Variants in LMBR1L observed in about 807,000 individuals in gnomAD.
LMBR1L encodes the protein protein LMBR1L.
A neutral mutation model predicts 67.3 loss-of-function variants in LMBR1L; 47 were observed. The observed-to-expected ratio is 0.70, with a 90% CI of 0.55 to 0.89. LMBR1L has a LOEUF of 0.89. LMBR1L is among the 40% of genes least tolerant of loss of function. The pLI, the probability that LMBR1L is intolerant of heterozygous loss-of-function variation, is 0.00. For synonymous variants in LMBR1L, 247 were observed against 250.3 expected, an observed-to-expected ratio of 0.99 and a Z score of 0.13; for missense variants, 533 against 599.2, an observed-to-expected ratio of 0.89 and a Z score of 1.15.
intron 1 of LMBR1L, 185 bp downstream of exon 1, chr12:49,110,299 G>A (rs1941401668): frequency 4.8e-6 from 3 of 626,248 alleles, no homozygotes; most frequent in Admixed American, 2.6e-5. Context: ...ATCGCTCAGG[G>A]ACCCAGCTGA....
At chr12:49,106,919 T>C (rs774222947) in intron 2 of LMBR1L, 42 bp downstream of exon 2, 3 of 1,468,300 alleles carry the variant, frequency 2.0e-6, no homozygotes, top group Non-Finnish European at 2.9e-6. Context: ...GGCTGGTCCA[T>C]GGCAACAGGG....
At chr12:49,101,906 G>T in intron 11 of LMBR1L, 1 of 593,978 alleles carries the variant, frequency 1.7e-6, no homozygotes, top group Non-Finnish European at 3.0e-6. Flanking sequence ...CTGTGTCTTT[G>T]GGCAAGTCAC....
At position 49,097,489 on chromosome 12, in the gene LMBR1L, AG is replaced by A. The variant is rs1939536331; in HGVS notation, c.*182del. On this transcript the variant is annotated 3_prime_UTR_variant, in exon 17 of 17. Coordinates refer to ENST00000267102, the MANE Select transcript of LMBR1L (RefSeq NM_018113.4). ...CTGAGGCCACAGTTAAGTATGGAAA[AG>A]CAGGAGGTCCTGGTCCCAAACTCTG... 2.7e-5 allele frequency: 17 copies of A among 624,124 alleles called. No homozygotes were observed. The South Asian group carries it at 3.2e-4, about 12-fold the overall frequency. The allele number at this position is 624,124 out of a possible 1,614,324, so 38.7% of individuals were successfully genotyped here.
In LMBR1L at chr12:49,097,264, G is replaced by C. The variant is rs1399747251; in HGVS notation, c.*408C>G. 1.5e-5 allele frequency: 3 copies of C among 203,494 alleles called. No individual in the cohort carries two copies. The East Asian group carries it at 3.3e-4, about 22-fold the overall frequency. 12.6% of individuals were successfully genotyped at this position (203,494 alleles called of 1,614,324 possible). On this transcript the variant is annotated 3_prime_UTR_variant, in exon 17 of 17. Coordinates refer to ENST00000267102, the MANE Select transcript of LMBR1L (RefSeq NM_018113.4). Reference sequence around the variant, plus strand: ...CAGGATAGCACAGTGCTTAGGCTCTGCTGGGCCAGAGGCAAGGGAGACAAT... The same window carrying C: ...CAGGATAGCACAGTGCTTAGGCTCTCCTGGGCCAGAGGCAAGGGAGACAAT...
At chr12:49,103,046 G>A (rs1233312213) in intron 7 of LMBR1L, 45 bp downstream of exon 7, 1 of 1,608,658 alleles carries the variant, frequency 6.2e-7, no homozygotes, top group Non-Finnish European at 8.5e-7. Context: ...TGGTTACTCT[G>A]GTCCAAGGAC....
At chr12:49,108,220 G>A (rs752959182) in intron 1 of LMBR1L, among the ~76,000 whole-genome samples, 13 of 151,956 alleles carry the variant, frequency 8.6e-5, no homozygotes, top group South Asian at 2.1e-4. Context: ...CTGTGATGGC[G>A]CCACTGCACT....
rs1004931055 is a variant in LMBR1L at position 49,100,804 on chromosome 12, T to G, written c.1083-158A>C. 21 of 639,822 alleles carry G rather than the reference T, an allele frequency of 3.3e-5. No individual in the cohort carries two copies. In the African/African-American group the frequency reaches 3.3e-4, roughly 10 times the overall value. The allele number at this position is 639,822 out of a possible 1,614,324, so 39.6% of individuals were successfully genotyped here. A position where few individuals can be genotyped will look rare whatever the true frequency, so the allele number is the denominator to read the frequency against. On this transcript the variant is annotated intron_variant, in intron 13 of 16. Transcript: ENST00000267102. ...GTGCAGTGGTGCGATTTCAGCTCAC[T>G]GCAACCTTGACCTTCTGGGCTTAAG...
Position 49,110,641 on chromosome 12 carries a change from A to G in LMBR1L, c.-86T>C. 1.6e-6 allele frequency: 2 copies of G among 1,222,846 alleles called. No individual in the cohort carries two copies. The highest frequency in any genetic ancestry group is 2.4e-6 in the Non-Finnish European group (2 of 828,932). The allele number at this position is 1,222,846 out of a possible 1,614,324, so 75.7% of individuals were successfully genotyped here. On this transcript the variant is annotated 5_prime_UTR_variant, in exon 1 of 17. Coordinates refer to ENST00000267102, the MANE Select transcript of LMBR1L (RefSeq NM_018113.4). ...GAAGCCGCCGCCGCCAAGCACCCAG[A>G]CCCAGCCTAGGGGCCTTTCCTCGCA... is the stretch of plus-strand genomic sequence containing the variant.
At chr12:49,105,879 T>A in intron 3 of LMBR1L, 45 bp downstream of exon 3, 1 of 1,559,984 alleles carries the variant, frequency 6.4e-7, no homozygotes, top group Non-Finnish European at 8.8e-7. Context: ...TAGATCCCAG[T>A]TCCTAAAGAC....
At chr12:49,108,611 G>A (rs1244844075) in intron 1 of LMBR1L, among the ~76,000 whole-genome samples, 3 of 146,438 alleles carry the variant, frequency 2.0e-5, no homozygotes, top group Non-Finnish European at 4.5e-5. Flanking sequence ...GCAGGTGCCT[G>A]TAATCCCAGC....
intron 15 of LMBR1L, 27 bp downstream of exon 15, chr12:49,100,361 C>T (rs1482524762): frequency 1.3e-6 from 2 of 1,590,520 alleles, no homozygotes; most frequent in Non-Finnish European, 1.7e-6. Context: ...AAATCCAATT[C>T]CTTTATCTCC....
chr12:49,098,301 T>C (rs1024346959), intron 15 of LMBR1L, among the ~76,000 whole-genome samples, 196 bp from the exon 16 acceptor site: 1 of 152,198 alleles, frequency 6.6e-6, no homozygotes, highest in Non-Finnish European at 1.5e-5. Context: ...TTGCTTCAAC[T>C]TCGCTTCCAG....
intron 15 of LMBR1L, among the ~76,000 whole-genome samples, chr12:49,099,006 G>A (rs1181044037): frequency 1.3e-5 from 2 of 151,386 alleles, no homozygotes; most frequent in African/African-American, 4.9e-5. Context: ...GTAGAGATGG[G>A]GTCTCACTAT....
chr12:49,110,826 C>T lies in LMBR1L; in HGVS notation c.-271G>A. The T allele has an allele frequency of 2.1e-6, 1 of 485,078 alleles. No homozygotes were observed. Among genetic ancestry groups the T allele is most frequent in the Admixed American group, 3.4e-5 (1 of 29,190 alleles). 30.0% of individuals were successfully genotyped at this position (485,078 alleles called of 1,614,324 possible). On this transcript the variant is annotated 5_prime_UTR_variant, in exon 1 of 17. Coordinates refer to ENST00000267102, the MANE Select transcript of LMBR1L (RefSeq NM_018113.4). ...GGTCGCGCTCACGTTTCAATGCAAA[C>T]ACCCGCCACTAGGCTCGCTACGAGG...
At chr12:49,099,984 TG>T (rs1160482564) in intron 15 of LMBR1L, among the ~76,000 whole-genome samples, 1 of 152,222 alleles carries the variant, frequency 6.6e-6, no homozygotes, top group Non-Finnish European at 1.5e-5. Flanking sequence ...AGCACTAGCC[TG>T]GGGTTCAGGA....
At position 49,101,502 on chromosome 12, in the gene LMBR1L, G is replaced by A. The variant is rs943663626; in HGVS notation, c.978C>T (p.Ile326=). The part of the protein sequence containing the change: ...IVAIHILELL[I]DEAAMPRGMQ... ...TGCCTCGGGGCATGGCAGCCTCATC[G>A]ATGAGCAGCTCCAGGATGTGGATGG... is the stretch of plus-strand genomic sequence containing the variant. Residue 326 remains isoleucine, a synonymous_variant, in exon 12 of 17, where the codon ATC becomes ATT. Transcript: ENST00000267102. The A allele has an allele frequency of 8.7e-6, 14 of 1,613,892 alleles. No individual in the cohort carries two copies. In the African/African-American group the frequency reaches 9.3e-5, roughly 11 times the overall value.
Position 49,104,836 on chromosome 12 carries a change from G to A in LMBR1L, c.241C>T (p.Leu81Phe), listed in dbSNP as rs373127446. ...TLAIALGAVL[L>F]LPFSIISNEV... ...TTGCTGATGATGGAGAAGGGCAGGA[G>A]CAGGACAGCACCCAGGGCAATTGCC... is the stretch of plus-strand genomic sequence containing the variant. The change falls in exon 4 of 17, where the codon CTC (leucine) becomes TTC (phenylalanine). Residue 81 changes from leucine to phenylalanine, a missense_variant. Coordinates refer to ENST00000267102, the MANE Select transcript of LMBR1L (RefSeq NM_018113.4). 4 of 1,613,728 alleles carry A rather than the reference G, an allele frequency of 2.5e-6. No homozygotes were observed. The highest frequency in any genetic ancestry group is 3.3e-5 in the Admixed American group (2 of 59,982).
At chr12:49,101,384 G>C in intron 12 of LMBR1L, 61 bp from the exon 13 acceptor site, 1 of 1,603,812 alleles carries the variant, frequency 6.2e-7, no homozygotes, top group Non-Finnish European at 8.5e-7. Flanking sequence ...CCGGCACCCA[G>C]CCTTCCCACT....
chr12:49,097,678 G>A lies in LMBR1L; in HGVS notation c.1464C>T (p.His488=). 6.2e-7 allele frequency: 1 copy of A among 1,613,508 alleles called. No homozygotes were observed. Among genetic ancestry groups the A allele is most frequent in the African/African-American group, 1.3e-5 (1 of 75,026 alleles). Residue 488 remains histidine (H), a synonymous_variant, in exon 17 of 17, where the codon CAC becomes CAT. Coordinates refer to ENST00000267102, the MANE Select transcript of LMBR1L (RefSeq NM_018113.4). ...GFPQASRKTQ[H]Q The stretch of plus-strand genomic sequence containing the variant: ...TCCCACCCCCAGCTGGAGGTCACTG[G>A]TGCTGGGTCTTCCTAGATGCCTGGG...
Sources: allele counts gnomAD v4.1 joint callset (sites outside exome capture counted in the v4.1 genomes callset), GRCh38; gene constraint gnomAD v4.1.1; transcripts MANE v1.5; gene names NCBI Gene and HGNC (gene_info 2026-07-23, HGNC 2026-07-21).